The following ZFHX3 variants were observed in gnomAD, a reference collection of about 807,000 sequenced individuals.
ZFHX3 encodes the protein zinc finger homeobox protein 3.
Under a neutral mutation model 279.1 loss-of-function variants are expected in ZFHX3, and 42 were observed. The observed-to-expected ratio is 0.15, with a 90% CI of 0.12 to 0.19. The LOEUF (loss-of-function observed/expected upper bound fraction) is 0.19, where lower values mean the gene tolerates loss of function less well. Ranked by LOEUF, ZFHX3 falls within the 10% of genes least tolerant of loss-of-function variation. The probability of loss-of-function intolerance (pLI) is 1.00; values close to 1 mark genes in which losing one functional copy is unlikely to be tolerated. For synonymous variants in ZFHX3, 2,293 were observed against 1,957.8 expected (o/e 1.17, Z -4.52); for missense variants, 4,981 against 4,754.0 (o/e 1.05, Z -1.40).
chr16:73,370,079 C>A (rs1007369881), intron 3 of ZFHX3, among the ~76,000 whole-genome samples: 2 of 152,220 alleles, frequency 1.3e-5, no homozygotes, highest in Admixed American at 6.5e-5. Context: ...CTCCCACCCC[C>A]AGTCTTCCGG....
chr16:72,901,168 G>A (rs1269223700), intron 3 of ZFHX3, among the ~76,000 whole-genome samples: 1 of 152,206 alleles, frequency 6.6e-6, no homozygotes, highest in Non-Finnish European at 1.5e-5. Context: ...CGTGGCTCTT[G>A]ATGGGAAAGC....
At chr16:73,774,604 G>A (rs556900062) in intron 1 of ZFHX3, among the ~76,000 whole-genome samples, 43 of 152,246 alleles carry the variant, frequency 2.8e-4, no homozygotes, top group Admixed American at 4.6e-4. Flanking sequence ...CCCCAAAGAT[G>A]GTGCCATTTG....
At chr16:72,949,418 T>C (rs1960865504) in intron 3 of ZFHX3, among the ~76,000 whole-genome samples, 1 of 152,190 alleles carries the variant, frequency 6.6e-6, no homozygotes, top group African/African-American at 2.4e-5. Context: ...GATTTGTACC[T>C]GATTGTTCAT....
chr16:73,801,374 T>C (rs923114061), intron 1 of ZFHX3, among the ~76,000 whole-genome samples: 1 of 152,094 alleles, frequency 6.6e-6, no homozygotes, highest in Non-Finnish European at 1.5e-5. Context: ...TAATCCTCCT[T>C]AGGTAGGAGG....
At chr16:73,168,237 TTC>T (rs1319976673) in intron 5 of ZFHX3, among the ~76,000 whole-genome samples, 2 of 143,658 alleles carry the variant, frequency 1.4e-5, no homozygotes, top group Non-Finnish European at 3.0e-5. Context: ...CTTTCTTTCT[TTC>T]TTTCTTTCTT....
Position 73,818,326 on chromosome 16 carries a change from G to A in ZFHX3, c.-1608+73325C>T, listed in dbSNP as rs934405321. On this transcript the variant is annotated intron_variant, in intron 1 of 17. Coordinates refer to the ZFHX3 transcript ENST00000641206. Reference sequence around the variant, plus strand: ...AAACCTGGCAATAGGATTTCAGCTTGTATGGAAGTTTGTGGCAAGGTGATT... The same window carrying A: ...AAACCTGGCAATAGGATTTCAGCTTATATGGAAGTTTGTGGCAAGGTGATT... 5.3e-5 allele frequency among the ~76,000 whole-genome samples: 8 copies of A among 152,202 alleles called. No individual in the cohort carries two copies. The East Asian group carries it at 1.5e-3, about 29-fold the overall frequency.
At chr16:73,560,553 T>C (rs981215632) in intron 2 of ZFHX3, among the ~76,000 whole-genome samples, 8 of 152,174 alleles carry the variant, frequency 5.3e-5, no homozygotes, top group African/African-American at 1.9e-4. Context: ...ATTACTATCA[T>C]CTTAATTGCT....
chr16:73,167,360 A>G (rs1967399126), intron 5 of ZFHX3, among the ~76,000 whole-genome samples: 1 of 152,204 alleles, frequency 6.6e-6, no homozygotes, highest in Non-Finnish European at 1.5e-5. Flanking sequence ...CTTATGTCAA[A>G]CTTAATTACA....
chr16:73,072,375 T>G (rs1965835009), intron 8 of ZFHX3, among the ~76,000 whole-genome samples: 1 of 142,466 alleles, frequency 7.0e-6, no homozygotes, highest in Non-Finnish European at 1.5e-5. Flanking sequence ...ACCCAGGGGG[T>G]GGAAGTTGCA....
At position 72,786,225 on chromosome 16, in the gene ZFHX3, T is replaced by C. The variant is rs1414174421; in HGVS notation, c.*939A>G. 1 of 150,574 alleles carries C rather than the reference T, an allele frequency of 6.6e-6. No individual in the cohort carries two copies. Among genetic ancestry groups the C allele is most frequent in the Non-Finnish European group, 1.5e-5 (1 of 67,762 alleles). 9.3% of individuals were successfully genotyped at this position (150,574 alleles called of 1,614,324 possible). On this transcript the variant is annotated 3_prime_UTR_variant, in exon 10 of 10. Transcript: ENST00000268489. ...CTGTCAGCTGGACCATACAAAAAGCTAAATGTACACAAAAGGTTTTTTTTT... is the reference window on the plus strand; with the variant it reads ...CTGTCAGCTGGACCATACAAAAAGCCAAATGTACACAAAAGGTTTTTTTTT...
chr16:73,723,527 G>C (rs989309643), intron 1 of ZFHX3, among the ~76,000 whole-genome samples: 1 of 152,114 alleles, frequency 6.6e-6, no homozygotes, highest in African/African-American at 2.4e-5. Context: ...AAATGGCACA[G>C]GCAGGAGGAT....
intron 5 of ZFHX3, among the ~76,000 whole-genome samples, chr16:73,173,239 T>G (rs1021812747): frequency 1.3e-5 from 2 of 152,066 alleles, no homozygotes; most frequent in Admixed American, 1.3e-4. Flanking sequence ...TAAATATAAT[T>G]AGATGCGCCT....
chr16:73,575,014 C>T (rs925627661), intron 2 of ZFHX3, among the ~76,000 whole-genome samples: 6 of 152,188 alleles, frequency 3.9e-5, no homozygotes, highest in Non-Finnish European at 8.8e-5. Context: ...TATCCATATG[C>T]TCTTTTAAAT....
chr16:73,665,973 G>A (rs1337020258), intron 2 of ZFHX3, among the ~76,000 whole-genome samples: 6 of 151,220 alleles, frequency 4.0e-5, no homozygotes, highest in East Asian at 1.9e-4. Context: ...CCACCACCAC[G>A]CCCGGCTAAT....
chr16:73,429,050 C>T (rs911914185), intron 3 of ZFHX3, among the ~76,000 whole-genome samples: 2 of 152,174 alleles, frequency 1.3e-5, no homozygotes, highest in African/African-American at 2.4e-5. Context: ...CCCTCCATGT[C>T]TAGAGGAAAA....
At chr16:73,841,336 G>C (rs1231842918) in intron 1 of ZFHX3, among the ~76,000 whole-genome samples, 2 of 152,242 alleles carry the variant, frequency 1.3e-5, no homozygotes. Context: ...ATGAGCTGGG[G>C]GTGGGTGGGA....
intron 2 of ZFHX3, among the ~76,000 whole-genome samples, chr16:73,530,185 C>T (rs1213477846): frequency 2.0e-5 from 3 of 152,088 alleles, no homozygotes; most frequent in African/African-American, 7.2e-5. Context: ...GAATGAGAAC[C>T]AAGTGAAAGG....
chr16:73,700,586 A>G (rs1179892260), intron 1 of ZFHX3, among the ~76,000 whole-genome samples: 4 of 152,226 alleles, frequency 2.6e-5, no homozygotes, highest in Non-Finnish European at 5.9e-5. Context: ...TATTTACCCA[A>G]TAGATTAGGT....
In ZFHX3 at chr16:73,170,223, G is replaced by GTTTTTTTT. The variant is rs1156523996; in HGVS notation, c.-1103-26400_-1103-26393dup. ...TTTTTGAAGCATCTTCCTTTCACTA[G>GTTTTTTTT]TTTTTTTTTTTTTTTTTTTTTTTTT... is the stretch of plus-strand genomic sequence containing the variant. On this transcript the variant is annotated intron_variant, in intron 5 of 17. Coordinates refer to the ZFHX3 transcript ENST00000641206. Among the ~76,000 whole-genome samples, 23 of 57,748 alleles carry GTTTTTTTT rather than the reference G, an allele frequency of 4.0e-4. 3 individuals carry two copies. Among genetic ancestry groups the GTTTTTTTT allele is most frequent in the South Asian group, 1.9e-3 (2 of 1,052 alleles). The allele number at this position is 57,748 out of a possible 152,430, so 37.9% of individuals were successfully genotyped here. A position where few individuals can be genotyped will look rare whatever the true frequency, so the allele number is the denominator to read the frequency against.
Sources: gnomAD v4.1 joint callset for allele counts (sites outside exome capture counted in the v4.1 genomes callset) on GRCh38, gnomAD v4.1.1 for gene constraint, MANE v1.5 for transcripts, NCBI Gene and HGNC (gene_info 2026-07-23, HGNC 2026-07-21) for gene names.